FAAH2: variants seen among roughly 807,000 people sequenced by gnomAD.
FAAH2 encodes fatty-acid amide hydrolase 2.
Under a neutral mutation model 36.9 loss-of-function variants are expected in FAAH2, and 60 were observed. The ratio of observed to expected loss-of-function variants is 1.63; its 90% CI spans 1.32 to 2.02. The LOEUF is 2.02. Ranked by LOEUF, FAAH2 falls within the 30% of genes most tolerant of loss-of-function variation. FAAH2 has a pLI of 0.00. For missense variants in FAAH2, 689 were observed against 397.5 expected (o/e 1.73, Z -6.23); for synonymous variants, 214 against 143.8 (o/e 1.49, Z -3.49).
At chrX:57,461,037 G>A (rs998214538) in intron 10 of FAAH2, among the ~76,000 whole-genome samples, 1 of 110,029 alleles carries the variant, frequency 9.1e-6, no homozygotes, top group African/African-American at 3.3e-5. Flanking sequence ...AACCAACAAT[G>A]ACCAAAAAAG....
chrX:57,448,612 G>A lies in FAAH2; in HGVS notation c.1317G>A (p.Leu439=), dbSNP rs1262599906. 5 of 1,211,389 alleles carry A rather than the reference G, an allele frequency of 4.1e-6. No individual in the cohort carries two copies. The highest frequency in any genetic ancestry group is 2.3e-4 in the Middle Eastern group (1 of 4,352). Residue 439 remains leucine (L), a synonymous_variant, in exon 10 of 11, where the codon CTG becomes CTA. Coordinates refer to ENST00000374900, the MANE Select transcript of FAAH2 (RefSeq NM_174912.4). The part of the protein sequence containing the change: ...KAVEESLRKE[L]VDMLGDDGVF... ...TGGAAGAAAGCCTGCGTAAAGAGCT[G>A]GTGGATATGCTAGGTGATGATGGTG...
At chrX:57,272,326 C>A in the FAAH2 span, among the ~76,000 whole-genome samples, 1 of 111,083 alleles carries the variant, frequency 9.0e-6, no homozygotes, top group African/African-American at 3.3e-5. Flanking sequence ...AGTTGGAAAA[C>A]ACTCTTCAGG....
intron 7 of FAAH2, among the ~76,000 whole-genome samples, chrX:57,406,138 A>G (rs939534328): frequency 9.0e-6 from 1 of 111,588 alleles, no homozygotes; most frequent in Admixed American, 9.5e-5. Context: ...ACTGTAATGG[A>G]TGTCATGTAT....
intron 7 of FAAH2, among the ~76,000 whole-genome samples, chrX:57,416,200 T>C (rs2055837748): frequency 8.9e-6 from 1 of 111,733 alleles, no homozygotes; most frequent in Non-Finnish European, 1.9e-5. Context: ...TCTGTGTCTT[T>C]TAATTGGGAC....
chrX:57,258,447 C>G, the FAAH2 span, among the ~76,000 whole-genome samples: 1 of 110,304 alleles, frequency 9.1e-6, no homozygotes, highest in African/African-American at 3.3e-5. Context: ...ATAATTGGGA[C>G]TATATCAATC....
the FAAH2 span, among the ~76,000 whole-genome samples, chrX:57,216,571 T>C: frequency 0.023 from 455 of 19,921 alleles, 24 homozygotes; most frequent in African/African-American, 0.029. Context: ...TATACGTATA[T>C]GTATATATAT....
chrX:57,160,528 G>A, the FAAH2 span, among the ~76,000 whole-genome samples: 2 of 111,869 alleles, frequency 1.8e-5, no homozygotes, highest in Non-Finnish European at 3.8e-5. Flanking sequence ...TCCTGTTATT[G>A]TTCTATGCAG....
chrX:57,296,762 A>G lies in FAAH2; in HGVS notation c.275+4182A>G, dbSNP rs189565090. 4.1e-3 allele frequency among the ~76,000 whole-genome samples: 454 copies of G among 111,801 alleles called. 3 individuals carry two copies. The highest frequency in any genetic ancestry group is 0.014 in the African/African-American group (429 of 30,780). ...ATCAAGGCAGAGAAGTCCTTAAAGG[A>G]CCTGATGGAGCCGAAAACCACAGCA... is the stretch of plus-strand genomic sequence containing the variant. On this transcript the variant is annotated intron_variant, in intron 2 of 10. Coordinates refer to ENST00000374900, the MANE Select transcript of FAAH2 (RefSeq NM_174912.4).
the FAAH2 span, among the ~76,000 whole-genome samples, chrX:57,179,260 C>G: frequency 4.5e-5 from 5 of 111,551 alleles, no homozygotes; most frequent in African/African-American, 1.6e-4. Context: ...AGTGTCAAAG[C>G]CACACATATC....
chrX:57,239,324 C>T, the FAAH2 span, among the ~76,000 whole-genome samples: 3 of 110,813 alleles, frequency 2.7e-5, no homozygotes, highest in Non-Finnish European at 5.7e-5. Flanking sequence ...TTAGTTTGGC[C>T]GGATATAAAA....
intron 3 of FAAH2, among the ~76,000 whole-genome samples, chrX:57,316,974 T>C (rs938226954): frequency 5.4e-5 from 6 of 111,591 alleles, no homozygotes; most frequent in Non-Finnish European, 1.9e-5. Context: ...GGAGGAAATA[T>C]TCATAAACTA....
At chrX:57,199,604 A>G in the FAAH2 span, among the ~76,000 whole-genome samples, 1 of 111,812 alleles carries the variant, frequency 8.9e-6, no homozygotes, top group Non-Finnish European at 1.9e-5. Context: ...TATTTGGTCT[A>G]TACTGTGGGT....
the FAAH2 span, among the ~76,000 whole-genome samples, chrX:57,233,207 T>C: frequency 8.9e-6 from 1 of 111,748 alleles, no homozygotes; most frequent in African/African-American, 3.3e-5. Context: ...CATTGTTCCC[T>C]GGTGGTCACG....
At chrX:57,406,513 G>C (rs2055570985) in intron 7 of FAAH2, among the ~76,000 whole-genome samples, 1 of 112,106 alleles carries the variant, frequency 8.9e-6, no homozygotes, top group Non-Finnish European at 1.9e-5. Context: ...GATCTTAGGG[G>C]AGGGGGCTGC....
At chrX:57,277,837 A>G in the FAAH2 span, among the ~76,000 whole-genome samples, 2 of 111,562 alleles carry the variant, frequency 1.8e-5, no homozygotes, top group African/African-American at 3.3e-5. Context: ...CTACAAAGAG[A>G]ATAAAATACC....
intron 5 of FAAH2, among the ~76,000 whole-genome samples, chrX:57,361,111 G>C (rs1436663970): frequency 9.0e-6 from 1 of 111,481 alleles, no homozygotes. Flanking sequence ...AATTTGAGTA[G>C]AATTATAATT....
chrX:57,445,465 G>A (rs1370657270), intron 8 of FAAH2, among the ~76,000 whole-genome samples: 1 of 111,313 alleles, frequency 9.0e-6, no homozygotes, highest in East Asian at 2.8e-4. Flanking sequence ...ACAGTACGGG[G>A]TCTCATCCAA....
At chrX:57,203,224 AG>A in the FAAH2 span, among the ~76,000 whole-genome samples, 8 of 112,357 alleles carry the variant, frequency 7.1e-5, no homozygotes, top group Non-Finnish European at 1.3e-4. Flanking sequence ...ATTTACTTAA[AG>A]TATTCCTTAT....
At chrX:57,412,398 G>T (rs947288345) in intron 7 of FAAH2, among the ~76,000 whole-genome samples, 3 of 110,316 alleles carry the variant, frequency 2.7e-5, no homozygotes, top group African/African-American at 9.9e-5. Flanking sequence ...ACAGGCCCCA[G>T]CATGTGATGT....
Sources: allele counts gnomAD v4.1 joint callset (sites outside exome capture counted in the v4.1 genomes callset), GRCh38; gene constraint gnomAD v4.1.1; transcripts MANE v1.5; gene names NCBI Gene and HGNC (gene_info 2026-07-23, HGNC 2026-07-21).